Variants in PPIH observed in about 807,000 individuals in gnomAD.
PPIH encodes the protein peptidylprolyl isomerase H.
A neutral mutation model predicts 27.6 loss-of-function variants in PPIH; 16 were observed. The observed-to-expected ratio is 0.58, with a 90% CI of 0.39 to 0.88. PPIH has a LOEUF of 0.88. Among genes scored for constraint, PPIH ranks in the 40% least tolerant of loss-of-function variants. PPIH has a pLI of 0.00. For synonymous variants in PPIH, 63 were observed against 76.1 expected, an observed-to-expected ratio of 0.83 and a Z score of 0.90; for missense variants, 155 against 224.1, an observed-to-expected ratio of 0.69 and a Z score of 1.97.
At chr1:42,673,991 T>A (rs951206564) in intron 9 of PPIH, among the ~76,000 whole-genome samples, 1 of 152,240 alleles carries the variant, frequency 6.6e-6, no homozygotes, top group African/African-American at 2.4e-5. Context: ...AAATATGTGT[T>A]GGTGGCAGTT....
intron 7 of PPIH, 63 bp downstream of exon 7, chr1:42,666,130 G>C (rs922037062): frequency 6.1e-6 from 9 of 1,486,430 alleles, no homozygotes; most frequent in South Asian, 2.3e-5. Context: ...CTCCAGAGGA[G>C]TTAGTTCTCA....
intron 2 of PPIH, 117 bp from the exon 3 acceptor site, chr1:42,659,111 G>T (rs559206127): frequency 3.3e-6 from 5 of 1,505,234 alleles, no homozygotes; most frequent in Non-Finnish European, 4.5e-6. Flanking sequence ...GTGTCTGGAC[G>T]TCTGGCTGGC....
intron 8 of PPIH, among the ~76,000 whole-genome samples, 198 bp downstream of exon 8, chr1:42,666,785 A>G (rs144620309): frequency 2.0e-5 from 3 of 152,270 alleles, no homozygotes; most frequent in African/African-American, 7.2e-5. Flanking sequence ...CCTGTTGCCT[A>G]CTTGATAAAA....
intron 5 of PPIH, among the ~76,000 whole-genome samples, chr1:42,662,124 T>C (rs1361754970): frequency 6.6e-6 from 1 of 152,220 alleles, no homozygotes; most frequent in African/African-American, 2.4e-5. Context: ...TCTTTCCTTT[T>C]TTTTCCCCTA....
chr1:42,658,787 C>T (rs1437553133), intron 1 of PPIH, 57 bp from the exon 2 acceptor site: 2 of 1,586,414 alleles, frequency 1.3e-6, no homozygotes, highest in Admixed American at 3.3e-5. Flanking sequence ...GCCCCCTGCT[C>T]CGTGAAGCCC....
Position 42,664,881 on chromosome 1 carries a change from G to C in PPIH, c.262G>C (p.Ala88Pro). Residue 88 changes from alanine to proline, a missense_variant, in exon 6 of 10, where the codon GCC becomes CCC. Physicochemically the swap from Ala to Pro is conservative, Grantham distance 27 (BLOSUM62 -1). This residue lies in a region of PPIH where 96 missense variants were observed against 175.3 expected (regional missense o/e 0.55). Coordinates refer to ENST00000304979, the MANE Select transcript of PPIH (RefSeq NM_006347.4). ...DFVNGDGTGV[A>P]SIYRGPFADE... is the part of the protein sequence containing the mutation. ...TGCTCAGGGAGATGGTACTGGAGTC[G>C]CCAGTATTTACCGGGGGCCATTTGC... 6.2e-7 allele frequency: 1 copy of C among 1,613,218 alleles called. No individual in the cohort carries two copies. Among genetic ancestry groups the C allele is most frequent in the Non-Finnish European group, 8.5e-7 (1 of 1,179,568 alleles).
At chr1:42,658,809 G>C in intron 1 of PPIH, 35 bp from the exon 2 acceptor site, 1 of 1,611,934 alleles carries the variant, frequency 6.2e-7, no homozygotes, top group Non-Finnish European at 8.5e-7. Context: ...CATGGTCTTG[G>C]ACTGGGCCTT....
intron 9 of PPIH, among the ~76,000 whole-genome samples, chr1:42,674,326 A>C (rs1649784744): frequency 6.6e-6 from 1 of 152,258 alleles, no homozygotes; most frequent in Admixed American, 6.5e-5. Flanking sequence ...GCCTATGCAA[A>C]GTCACAAAGG....
intron 9 of PPIH, among the ~76,000 whole-genome samples, chr1:42,672,206 C>G (rs1392461208): frequency 6.6e-6 from 1 of 152,078 alleles, no homozygotes; most frequent in Non-Finnish European, 1.5e-5. Flanking sequence ...TATACTTTAA[C>G]GTTCATACGG....
At position 42,667,332 on chromosome 1, in the gene PPIH, A is replaced by C. The variant is rs771447048; in HGVS notation, c.466-19A>C. The stretch of plus-strand genomic sequence containing the variant: ...GAAGTGCCTGAGTGGATGAATCTCC[A>C]TTGTGCTTTTTTTCCTAGAATGTTC... On this transcript the variant is annotated intron_variant, in intron 8 of 9. Transcript: ENST00000304979. 16 of 1,575,506 alleles carry C rather than the reference A, an allele frequency of 1.0e-5. No individual in the cohort carries two copies. The East Asian group carries it at 3.6e-4, about 35-fold the overall frequency.
intron 9 of PPIH, among the ~76,000 whole-genome samples, chr1:42,668,683 A>G (rs1557517216): frequency 6.6e-6 from 1 of 152,138 alleles, no homozygotes; most frequent in African/African-American, 2.4e-5. Context: ...TTTCACACCA[A>G]ACAGATAAAG....
chr1:42,658,679 C>A, intron 1 of PPIH, 165 bp from the exon 2 acceptor site: 1 of 1,107,946 alleles, frequency 9.0e-7, no homozygotes, highest in Non-Finnish European at 1.3e-6. Context: ...AGGAGTCTCC[C>A]CAATCCTAGC....
chr1:42,673,658 A>G (rs1203471082), intron 9 of PPIH, among the ~76,000 whole-genome samples: 4 of 152,268 alleles, frequency 2.6e-5, no homozygotes, highest in Non-Finnish European at 4.4e-5. Flanking sequence ...GTTTGTAACA[A>G]GTATCTCACA....
intron 5 of PPIH, among the ~76,000 whole-genome samples, chr1:42,662,830 T>C (rs1649115327): frequency 6.6e-6 from 1 of 152,242 alleles, no homozygotes; most frequent in Non-Finnish European, 1.5e-5. Flanking sequence ...AGTATGTATA[T>C]GTGTGTTTAT....
chr1:42,658,995 C>A, intron 2 of PPIH, 87 bp downstream of exon 2: 2 of 1,459,208 alleles, frequency 1.4e-6, no homozygotes, highest in South Asian at 1.2e-5. Context: ...CTACCTCTGT[C>A]CGTCCGCTCA....
At chr1:42,666,636 C>A in intron 8 of PPIH, 49 bp downstream of exon 8, 1 of 1,574,366 alleles carries the variant, frequency 6.4e-7, no homozygotes, top group Non-Finnish European at 8.7e-7. Context: ...TGGTCTGGTA[C>A]TGTCTGACTA....
At chr1:42,665,071 C>T in intron 6 of PPIH, 116 bp downstream of exon 6, 1 of 839,958 alleles carries the variant, frequency 1.2e-6, no homozygotes, top group South Asian at 1.6e-5. Context: ...TTGCTTGGCC[C>T]AGGACTCACC....
At chr1:42,675,156 T>C (rs1427780365) in intron 9 of PPIH, 2 of 152,268 alleles carry the variant, frequency 1.3e-5, no homozygotes, top group Non-Finnish European at 2.9e-5. Context: ...ATAATACTTC[T>C]GCAGAGTAGA....
At chr1:42,659,341 T>C (rs763235192) in intron 3 of PPIH, 90 bp downstream of exon 3, 2 of 1,614,204 alleles carry the variant, frequency 1.2e-6, no homozygotes, top group Non-Finnish European at 1.7e-6. Context: ...CCTGCTGGCC[T>C]TGAATGATTG....
Sources: allele counts gnomAD v4.1 joint callset (sites outside exome capture counted in the v4.1 genomes callset), GRCh38; gene constraint gnomAD v4.1.1; regional missense constraint gnomAD v4.1.1; transcripts MANE v1.5; gene names NCBI Gene and HGNC (gene_info 2026-07-23, HGNC 2026-07-21).